Variants in MPDZ observed in about 807,000 individuals in gnomAD.
MPDZ encodes the protein multiple PDZ domain protein.
In MPDZ, 234 loss-of-function variants were observed where a neutral mutation model predicts 239.1. The ratio of observed to expected loss-of-function variants is 0.98; its 90% CI spans 0.88 to 1.09. The LOEUF (loss-of-function observed/expected upper bound fraction) is 1.09, where lower values mean the gene tolerates loss of function less well. MPDZ is among the 50% of genes least tolerant of loss of function. The pLI, the probability that MPDZ is intolerant of heterozygous loss-of-function variation, is 0.00. For missense variants in MPDZ, 3,175 were observed against 2,510.0 expected, an observed-to-expected ratio of 1.26 and a Z score of -5.66; for synonymous variants, 1,048 against 881.3, an observed-to-expected ratio of 1.19 and a Z score of -3.35.
Position 13,138,080 on chromosome 9 carries a change from AC to A in MPDZ, c.4076del (p.Gly1359ValfsTer4), listed in dbSNP as rs1446809963. 5 of 1,613,604 alleles carry A rather than the reference AC, an allele frequency of 3.1e-6. No homozygotes were observed. Among genetic ancestry groups the A allele is most frequent in the Non-Finnish European group, 4.2e-6 (5 of 1,179,698 alleles). ...HMIELEKGHSGLGLSLAGNKD... is the reference protein window; with the variant it reads ...HMIELEKGHSXLGLSLAGNKD... ...TGTTCCCAGCAAGACTTAGGCCCAA[AC>A]CACTATGACCTTTCTCCAGTTCAAT... is the stretch of plus-strand genomic sequence containing the variant. On this transcript the variant is annotated frameshift_variant, in exon 29 of 47. Transcript: ENST00000319217. LOFTEE classifies it high-confidence loss of function.
chr9:13,180,726 T>C (rs1186996838), intron 19 of MPDZ, among the ~76,000 whole-genome samples: 1 of 152,216 alleles, frequency 6.6e-6, no homozygotes, highest in East Asian at 1.9e-4. Flanking sequence ...AGAGCCATGT[T>C]GCTCTTAAAA....
chr9:13,128,495 C>A (rs1266683900), intron 32 of MPDZ, among the ~76,000 whole-genome samples: 1 of 152,190 alleles, frequency 6.6e-6, no homozygotes, highest in Non-Finnish European at 1.5e-5. Flanking sequence ...TCGGCAATTG[C>A]ACAAGAGATT....
In MPDZ at chr9:13,176,345, G is replaced by C. The variant is rs1397430429; in HGVS notation, c.2722C>G (p.Leu908Val). ...MSLEELYTQNLLQRQDENTPS... is the reference protein window; with the variant it reads ...MSLEELYTQNVLQRQDENTPS... ...GTATTCTCATCCTGTCTTTGCAGGA[G>C]ATTCTGGGTATATAGTTCCTCCAGA... Residue 908 changes from leucine (L) to valine (V), a missense_variant, in exon 20 of 47, where the codon CTC (leucine) becomes GTC (valine). Leu to Val is a conservative substitution (Grantham distance 32). Transcript: ENST00000319217. The C allele has an allele frequency of 2.5e-6, 4 of 1,607,890 alleles. No individual in the cohort carries two copies. In the South Asian group the frequency reaches 4.5e-5, roughly 18 times the overall value.
intron 1 of MPDZ, among the ~76,000 whole-genome samples, chr9:13,271,624 A>C (rs564405131): frequency 6.7e-4 from 102 of 152,106 alleles, no homozygotes; most frequent in Non-Finnish European, 1.3e-3. Context: ...ACATCAATTA[A>C]ATGTTAATCT....
intron 12 of MPDZ, among the ~76,000 whole-genome samples, chr9:13,204,311 G>A (rs1437353836): frequency 6.6e-6 from 1 of 152,140 alleles, no homozygotes; most frequent in Non-Finnish European, 1.5e-5. Flanking sequence ...CTACTGGCCA[G>A]GTGTGGTGGC....
chr9:13,177,219 A>G (rs552741217), intron 19 of MPDZ, among the ~76,000 whole-genome samples: 3 of 152,298 alleles, frequency 2.0e-5, no homozygotes, highest in South Asian at 2.1e-4. Flanking sequence ...TTGAATAAAC[A>G]TATCAGTTTT....
rs376230288 is a variant in MPDZ, at chr9:13,110,745, A to G, written c.5725-5T>C. 3.0e-5 allele frequency: 48 copies of G among 1,608,244 alleles called. No individual in the cohort carries two copies. The African/African-American group carries it at 5.7e-4, about 19-fold the overall frequency. On this transcript the variant is annotated splice_region_variant and splice_polypyrimidine_tract_variant and intron_variant, in intron 43 of 46. Coordinates refer to ENST00000319217, the MANE Select transcript of MPDZ (RefSeq NM_001378778.1). ...GGTGACAATCCTATCCCCAACCTGC[A>G]AGGGAGAGAAAGAAACAGCCATCTG...
chr9:13,152,966 C>T (rs1322754586), intron 24 of MPDZ, among the ~76,000 whole-genome samples: 3 of 152,010 alleles, frequency 2.0e-5, no homozygotes, highest in Non-Finnish European at 2.9e-5. Flanking sequence ...GGAGGAAAAT[C>T]GACGAAACAG....
rs568307540 is a variant in MPDZ at position 13,119,550 on chromosome 9, C to A, written c.5331G>T (p.Gly1777=). ...MQGDQILMVN[G]EDVRNATQEA... is the part of the protein sequence containing the mutation. ...CTTGGGTGGCATTACGAACGTCTTCCCCATTCACCATTAATATCTGGTCTC... is the reference window on the plus strand; with the variant it reads ...CTTGGGTGGCATTACGAACGTCTTCACCATTCACCATTAATATCTGGTCTC... The change falls in exon 39 of 47, where the codon GGG becomes GGT. Residue 1777 remains glycine, a synonymous_variant. Coordinates refer to ENST00000319217, the MANE Select transcript of MPDZ (RefSeq NM_001378778.1). 1 of 1,613,714 alleles carries A rather than the reference C, an allele frequency of 6.2e-7. No homozygotes were observed. The highest frequency in any genetic ancestry group is 8.5e-7 in the Non-Finnish European group (1 of 1,179,792).
At chr9:13,112,418 G>A (rs573219929) in intron 42 of MPDZ, among the ~76,000 whole-genome samples, 1 of 152,292 alleles carries the variant, frequency 6.6e-6, no homozygotes, top group Non-Finnish European at 1.5e-5. Flanking sequence ...CTCATGAAGT[G>A]AAAAGACCAC....
chr9:13,164,787 T>C (rs751967868), intron 22 of MPDZ, among the ~76,000 whole-genome samples: 3 of 151,980 alleles, frequency 2.0e-5, no homozygotes, highest in Admixed American at 6.6e-5. Flanking sequence ...CTACAGAGAG[T>C]GAGGCCACCA....
chr9:13,271,868 T>C (rs1357182614), intron 1 of MPDZ, among the ~76,000 whole-genome samples: 5 of 152,010 alleles, frequency 3.3e-5, no homozygotes, highest in South Asian at 4.1e-4. Flanking sequence ...AATAATCACA[T>C]AGTGAAAGAA....
chr9:13,241,301 T>C (rs577775893), intron 3 of MPDZ, among the ~76,000 whole-genome samples: 1 of 152,194 alleles, frequency 6.6e-6, no homozygotes, highest in Non-Finnish European at 1.5e-5. Flanking sequence ...CAAAGCTCTA[T>C]CATAAAAGTA....
At chr9:13,117,680 T>C (rs1236024233) in intron 39 of MPDZ, among the ~76,000 whole-genome samples, 1 of 152,206 alleles carries the variant, frequency 6.6e-6, no homozygotes, top group Non-Finnish European at 1.5e-5. Context: ...CAATGAACTC[T>C]ATGTGCATGA....
chr9:13,260,427 T>C (rs1219173692), intron 1 of MPDZ, among the ~76,000 whole-genome samples: 1 of 152,162 alleles, frequency 6.6e-6, no homozygotes, highest in African/African-American at 2.4e-5. Flanking sequence ...TGATGGATGG[T>C]AATACTACAA....
At chr9:13,270,247 TTTTA>T (rs910813453) in intron 1 of MPDZ, among the ~76,000 whole-genome samples, 1 of 152,228 alleles carries the variant, frequency 6.6e-6, no homozygotes, top group Non-Finnish European at 1.5e-5. Flanking sequence ...TTAAATGTTG[TTTTA>T]TTTATTTTGT....
chr9:13,210,835 C>T (rs1957537847), intron 10 of MPDZ, among the ~76,000 whole-genome samples: 2 of 152,176 alleles, frequency 1.3e-5, no homozygotes, highest in South Asian at 4.1e-4. Flanking sequence ...GCCAAATATA[C>T]CTCCACTGGA....
rs138052353 is a variant in MPDZ, at chr9:13,223,365, G to T, written c.533+206C>A. ...TTTTTCTTTCCTTACCAAAACTTAA[G>T]TTATGACTATATCTAAAAGCTACTC... On this transcript the variant is annotated intron_variant, in intron 5 of 46. Transcript: ENST00000319217. Among the ~76,000 whole-genome samples the T allele has an allele frequency of 2.9e-4, 44 of 152,026 alleles. 2 individuals are homozygous for T. In the East Asian group the frequency reaches 8.6e-3, roughly 30 times the overall value.
At chr9:13,228,636 C>A (rs1336266064) in intron 3 of MPDZ, among the ~76,000 whole-genome samples, 1 of 152,104 alleles carries the variant, frequency 6.6e-6, no homozygotes, top group Non-Finnish European at 1.5e-5. Context: ...TGCCAACATA[C>A]CATAGCCATT....
Sources: gnomAD v4.1 joint callset for allele counts (sites outside exome capture counted in the v4.1 genomes callset) on GRCh38, gnomAD v4.1.1 for gene constraint, MANE v1.5 for transcripts, NCBI Gene and HGNC (gene_info 2026-07-23, HGNC 2026-07-21) for gene names.